DNAH14: variants seen among roughly 807,000 people sequenced by gnomAD.
DNAH14 encodes the protein dynein axonemal heavy chain 14, also known as axonemal beta dynein heavy chain 14.
DNAH14 carries 478 observed loss-of-function variants against 520.9 expected under a neutral mutation model. The observed-to-expected ratio is 0.92, with a 90% CI of 0.85 to 0.99. DNAH14 has a LOEUF of 0.99. Among genes scored for constraint, DNAH14 ranks in the 50% least tolerant of loss-of-function variants. The pLI, the probability that DNAH14 is intolerant of heterozygous loss-of-function variation, is 0.00. For synonymous variants in DNAH14, 1,581 were observed against 1,757.2 expected (o/e 0.90, Z 2.51); for missense variants, 4,831 against 5,234.5 (o/e 0.92, Z 2.38).
At chr1:225,025,708 A>C (rs575715931) in intron 11 of DNAH14, among the ~76,000 whole-genome samples, 1 of 152,270 alleles carries the variant, frequency 6.6e-6, no homozygotes, top group South Asian at 2.1e-4. Context: ...TGATCACTAA[A>C]TATATAAATA....
At chr1:225,227,322 TGAGAATG>T (rs2090635941) in intron 41 of DNAH14, among the ~76,000 whole-genome samples, 1 of 152,024 alleles carries the variant, frequency 6.6e-6, no homozygotes, top group South Asian at 2.1e-4. Context: ...CCTGGGTACT[TGAGAATG>T]GAGAATGGCG....
In DNAH14 at chr1:225,303,361, G is replaced by T; in HGVS notation, c.8823+14G>T. ...GAGAACAGAGAGGTAAATATCTAATGCAAGTGAAGGTTTCAGTTTATTGAC... is the reference window on the plus strand; with the variant it reads ...GAGAACAGAGAGGTAAATATCTAATTCAAGTGAAGGTTTCAGTTTATTGAC... On this transcript the variant is annotated intron_variant, in intron 57 of 85. Transcript: ENST00000682510. 6.5e-7 allele frequency: 1 copy of T among 1,541,468 alleles called. No homozygotes were observed.
chr1:225,103,342 C>G (rs913947330), intron 23 of DNAH14, among the ~76,000 whole-genome samples: 2 of 152,114 alleles, frequency 1.3e-5, no homozygotes, highest in African/African-American at 4.8e-5. Flanking sequence ...CAGCTTTGTT[C>G]TTTTGGCTTA....
At chr1:225,293,759 C>T (rs1307087765) in intron 55 of DNAH14, among the ~76,000 whole-genome samples, 1 of 152,056 alleles carries the variant, frequency 6.6e-6, no homozygotes, top group African/African-American at 2.4e-5. Flanking sequence ...CAACAAACCC[C>T]CATGACACAA....
rs1160693980 is a variant in DNAH14 at position 225,342,514 on chromosome 1, A to G, written c.10678+1813A>G. Among the ~76,000 whole-genome samples the G allele has an allele frequency of 2.0e-5, 3 of 152,114 alleles. No individual in the cohort carries two copies. The East Asian group carries it at 5.8e-4, about 29-fold the overall frequency. On this transcript the variant is annotated intron_variant, in intron 69 of 85. Coordinates refer to ENST00000682510, the MANE Select transcript of DNAH14 (RefSeq NM_001367479.1). ...GTTGAATTCTTTAATTGCTTTCATC[A>G]TCTTTTCTTATAACCTTAGAAGAAT...
At chr1:225,022,516 A>G (rs528855083) in intron 10 of DNAH14, among the ~76,000 whole-genome samples, 2 of 152,300 alleles carry the variant, frequency 1.3e-5, no homozygotes, top group Admixed American at 6.5e-5. Context: ...ACCACCAATC[A>G]TTAGAGAAAT....
At chr1:225,102,887 A>C (rs1033887313) in intron 23 of DNAH14, among the ~76,000 whole-genome samples, 10 of 151,934 alleles carry the variant, frequency 6.6e-5, no homozygotes, top group Non-Finnish European at 1.5e-4. Context: ...GAAGCTCTTT[A>C]GTTTAATTAG....
chr1:225,265,457 A>G, intron 48 of DNAH14, 88 bp downstream of exon 48: 3 of 1,175,712 alleles, frequency 2.6e-6, no homozygotes, highest in Non-Finnish European at 3.5e-6. Flanking sequence ...GAAGAAAAAT[A>G]TTTGTGTAAC....
At chr1:225,010,578 A>G (rs2064637155) in intron 10 of DNAH14, among the ~76,000 whole-genome samples, 3 of 152,070 alleles carry the variant, frequency 2.0e-5, no homozygotes, top group Admixed American at 6.6e-5. Flanking sequence ...TGTCTCTACC[A>G]GGTTTTGGTA....
At chr1:225,195,260 G>T (rs1573902390) in intron 38 of DNAH14, among the ~76,000 whole-genome samples, 1 of 151,952 alleles carries the variant, frequency 6.6e-6, no homozygotes, top group Non-Finnish European at 1.5e-5. Flanking sequence ...AATTAACCTA[G>T]ATGCCCATCA....
chr1:225,309,134 T>G (rs1402651633), intron 60 of DNAH14, among the ~76,000 whole-genome samples: 1 of 152,238 alleles, frequency 6.6e-6, no homozygotes, highest in Non-Finnish European at 1.5e-5. Flanking sequence ...AAATACAGAT[T>G]GCAAATAGTC....
At chr1:225,059,436 G>C (rs1391481302) in intron 17 of DNAH14, among the ~76,000 whole-genome samples, 2 of 152,012 alleles carry the variant, frequency 1.3e-5, no homozygotes, top group Non-Finnish European at 2.9e-5. Flanking sequence ...ACATGAGATG[G>C]GTTTCCTGAA....
chr1:225,046,945 A>G (rs142358741), intron 15 of DNAH14, among the ~76,000 whole-genome samples: 2 of 152,170 alleles, frequency 1.3e-5, no homozygotes, highest in Non-Finnish European at 2.9e-5. Flanking sequence ...CGTCACCTCA[A>G]GATACTTCAG....
intron 16 of DNAH14, among the ~76,000 whole-genome samples, chr1:225,051,120 C>G (rs79257940): frequency 0.053 from 8,013 of 152,154 alleles, 324 homozygotes; most frequent in Non-Finnish European, 0.078. Flanking sequence ...TGAGGACTGG[C>G]CTTTTCTAGG....
chr1:225,048,596 C>T (rs996734297), intron 15 of DNAH14, among the ~76,000 whole-genome samples: 1 of 152,174 alleles, frequency 6.6e-6, no homozygotes, highest in Admixed American at 6.5e-5. Context: ...TTGGATGTAT[C>T]GCAGATTGCT....
At chr1:225,223,120 T>A (rs1429932599) in intron 41 of DNAH14, among the ~76,000 whole-genome samples, 1 of 151,922 alleles carries the variant, frequency 6.6e-6, no homozygotes, top group African/African-American at 2.4e-5. Flanking sequence ...CTCCTGTAAA[T>A]TGGAAAAAAG....
At chr1:225,151,940 A>T in intron 31 of DNAH14, 65 bp from the exon 32 acceptor site, 3 of 1,329,250 alleles carry the variant, frequency 2.3e-6, no homozygotes, top group Non-Finnish European at 3.2e-6. Context: ...AAACTCACTT[A>T]TAGTTTTAAC....
At chr1:225,007,699 T>C (rs916588384) in intron 10 of DNAH14, among the ~76,000 whole-genome samples, 155 bp downstream of exon 10, 11 of 152,080 alleles carry the variant, frequency 7.2e-5, no homozygotes, top group Admixed American at 3.3e-4. Flanking sequence ...ATTTACTATA[T>C]ACAAGAATTT....
intron 5 of DNAH14, among the ~76,000 whole-genome samples, chr1:224,966,409 A>G (rs1444219818): frequency 7.9e-5 from 12 of 152,318 alleles, no homozygotes; most frequent in Admixed American, 2.0e-4. Flanking sequence ...TTAATTATCC[A>G]GAAAAGACTA....
Sources: allele counts gnomAD v4.1 joint callset (sites outside exome capture counted in the v4.1 genomes callset), GRCh38; gene constraint gnomAD v4.1.1; transcripts MANE v1.5; gene names NCBI Gene and HGNC (gene_info 2026-07-23, HGNC 2026-07-21).